Variants in WDR93 observed in about 807,000 individuals in gnomAD.
WDR93 encodes the protein WD repeat domain 93.
In WDR93, 73 loss-of-function variants were observed where a neutral mutation model predicts 82.9. That is an observed-to-expected ratio of 0.88 (90% CI 0.73 to 1.07). WDR93 has a LOEUF of 1.07. Among genes scored for constraint, WDR93 ranks in the 50% least tolerant of loss-of-function variants. The pLI is 0.00. For synonymous variants in WDR93, 283 were observed against 300.1 expected (o/e 0.94, Z 0.59); for missense variants, 738 against 826.0 (o/e 0.89, Z 1.31).
intron 12 of WDR93, among the ~76,000 whole-genome samples, chr15:89,732,286 A>C (rs963606754): frequency 1.4e-4 from 21 of 152,204 alleles, no homozygotes; most frequent in Non-Finnish European, 2.6e-4. Flanking sequence ...CATCAGAGAT[A>C]GTACCCTGTT....
intron 14 of WDR93, among the ~76,000 whole-genome samples, chr15:89,737,201 T>C (rs937279845): frequency 2.6e-5 from 4 of 152,074 alleles, no homozygotes; most frequent in East Asian, 3.9e-4. Context: ...GGCTGTTAGA[T>C]TGAGCAAGGT....
At position 89,702,063 on chromosome 15, in the gene WDR93, A is replaced by C. The variant is rs1255209351; in HGVS notation, c.303+14A>C. On this transcript the variant is annotated intron_variant, in intron 2 of 16. Coordinates refer to ENST00000268130, the MANE Select transcript of WDR93 (RefSeq NM_020212.2). ...GGAGAAATCCAGGTATGGAGTAAGC[A>C]GTTGACCAGGAGCCCCTGTTTCTCA... is the stretch of plus-strand genomic sequence containing the variant. The C allele has an allele frequency of 1.3e-6, 2 of 1,591,678 alleles. No individual in the cohort carries two copies. The highest frequency in any genetic ancestry group is 3.4e-5 in the Admixed American group (2 of 58,586).
Position 89,735,525 on chromosome 15 carries a change from T to C in WDR93, c.1580T>C (p.Val527Ala). The change falls in exon 14 of 17, where the codon GTG becomes GCG. Residue 527 changes from valine to alanine, a missense_variant. Coordinates refer to ENST00000268130, the MANE Select transcript of WDR93 (RefSeq NM_020212.2). Reference sequence around the variant, plus strand: ...CACCTGGATAAAACCATCTGTGCCGTGGCCCCAGTCCCAGCCTTACCTGGC... The same window carrying C: ...CACCTGGATAAAACCATCTGTGCCGCGGCCCCAGTCCCAGCCTTACCTGGC... ...VKHLDKTICAVAPVPALPGMV... is the reference protein window; with the variant it reads ...VKHLDKTICAAAPVPALPGMV... 6.2e-7 allele frequency: 1 copy of C among 1,614,192 alleles called. No individual in the cohort carries two copies.
At chr15:89,735,915 G>C (rs1441833844) in intron 14 of WDR93, among the ~76,000 whole-genome samples, 2 of 152,192 alleles carry the variant, frequency 1.3e-5, no homozygotes, top group Non-Finnish European at 2.9e-5. Context: ...GAGGAGTTGA[G>C]AAGGCAACAC....
At chr15:89,697,589 T>C (rs1965244859) in intron 1 of WDR93, among the ~76,000 whole-genome samples, 1 of 152,208 alleles carries the variant, frequency 6.6e-6, no homozygotes, top group Non-Finnish European at 1.5e-5. Context: ...TCATGTGCAC[T>C]TAAAAATAAT....
At chr15:89,726,992 C>T (rs976901073) in intron 8 of WDR93, among the ~76,000 whole-genome samples, 165 bp from the exon 9 acceptor site, 5 of 152,028 alleles carry the variant, frequency 3.3e-5, no homozygotes, top group Middle Eastern at 3.2e-3. Flanking sequence ...TGGTGGGGTA[C>T]AGGAGAGGCC....
chr15:89,699,921 C>G (rs780968894), intron 1 of WDR93, among the ~76,000 whole-genome samples: 3 of 152,086 alleles, frequency 2.0e-5, no homozygotes, highest in Non-Finnish European at 4.4e-5. Context: ...TTTAGTTGAT[C>G]GATTTTTCTC....
chr15:89,743,339 C>T lies in WDR93; in HGVS notation c.2009C>T (p.Ala670Val), dbSNP rs1276395189. 1 of 1,614,040 alleles carries T rather than the reference C, an allele frequency of 6.2e-7. No individual in the cohort carries two copies. Among genetic ancestry groups the T allele is most frequent in the Non-Finnish European group, 8.5e-7 (1 of 1,180,032 alleles). ...KNPEKEEEHWARLQRYSLSLQ... is the reference protein window; with the variant it reads ...KNPEKEEEHWVRLQRYSLSLQ... ...CCAGAGAAGGAGGAGGAGCACTGGG[C>T]CCGGCTTCAGAGGTACTCCTTGTCG... Residue 670 changes from alanine to valine, a missense_variant, in exon 17 of 17, where the codon GCC becomes GTC. Ala to Val is a moderately conservative substitution (Grantham distance 64). Coordinates refer to ENST00000268130, the MANE Select transcript of WDR93 (RefSeq NM_020212.2).
chr15:89,696,534 A>G (rs1965186142), intron 1 of WDR93, among the ~76,000 whole-genome samples: 1 of 152,076 alleles, frequency 6.6e-6, no homozygotes, highest in Non-Finnish European at 1.5e-5. Flanking sequence ...TCACTCTGTC[A>G]CGTAGGCTGG....
intron 16 of WDR93, among the ~76,000 whole-genome samples, chr15:89,741,144 A>AT (rs1379187427): frequency 2.0e-5 from 3 of 151,800 alleles, no homozygotes; most frequent in African/African-American, 4.9e-5. Flanking sequence ...TGTCTCAAAA[A>AT]AAATAAATAA....
chr15:89,711,952 A>G (rs1311889482), intron 4 of WDR93, 74 bp from the exon 5 acceptor site: 1 of 1,215,614 alleles, frequency 8.2e-7, no homozygotes, highest in Non-Finnish European at 1.2e-6. Context: ...CTGGGTGCAG[A>G]CCACAGAAGG....
At chr15:89,717,825 C>G (rs1046736352) in intron 7 of WDR93, among the ~76,000 whole-genome samples, 5 of 152,110 alleles carry the variant, frequency 3.3e-5, no homozygotes, top group Non-Finnish European at 7.3e-5. Context: ...AAAATAACAG[C>G]CCAATTCACC....
chr15:89,736,027 G>A (rs552159882), intron 14 of WDR93, among the ~76,000 whole-genome samples: 8 of 152,284 alleles, frequency 5.3e-5, no homozygotes, highest in Admixed American at 2.0e-4. Context: ...AGGCTGGGGC[G>A]GGAAGACAGG....
chr15:89,731,076 G>A (rs549469986), intron 11 of WDR93, among the ~76,000 whole-genome samples: 21 of 152,194 alleles, frequency 1.4e-4, no homozygotes, highest in Middle Eastern at 6.8e-3. Flanking sequence ...CTGACTGTAT[G>A]GCCTTGAGCA....
chr15:89,690,748 G>A, upstream of WDR93: 1 of 661,896 alleles, frequency 1.5e-6, no homozygotes, highest in Non-Finnish European at 2.5e-6. Context: ...GAGGGGCTGA[G>A]TCTCTCCGCC....
rs1360101754 is a variant in WDR93, at chr15:89,729,661, CT to C, written c.1124-19del. ...CCCCTGTGTAACACCCATTTTCTGT[CT>C]TTCCCCCGCCCCCCCACCAGGAATG... On this transcript the variant is annotated intron_variant, in intron 10 of 16. Transcript: ENST00000268130. 2.5e-5 allele frequency: 40 copies of C among 1,604,460 alleles called. No individual in the cohort carries two copies. The African/African-American group carries it at 4.1e-4, about 17-fold the overall frequency.
intron 7 of WDR93, among the ~76,000 whole-genome samples, chr15:89,720,573 CT>C (rs1329651633): frequency 1.3e-5 from 2 of 152,160 alleles, no homozygotes; most frequent in Non-Finnish European, 2.9e-5. Context: ...ACCCAGCCGA[CT>C]AGTAGATTTT....
intron 15 of WDR93, 94 bp from the exon 16 acceptor site, chr15:89,737,947 A>G: frequency 7.1e-7 from 1 of 1,409,662 alleles, no homozygotes; most frequent in Admixed American, 2.2e-5. Context: ...CAGCCTTTAT[A>G]AGCAGAGAGC....
rs1567132784 is a variant in WDR93 at position 89,738,146 on chromosome 15, A to G, written c.1871A>G (p.Asn624Ser). The part of the protein sequence containing the change: ...ACPLLENISK[N>S]CTIPQRDLDN... ...CCACTCCTGGAAAATATCTCAAAAA[A>G]TTGTACCATTCCTCAAAGGGACTTG... Residue 624 changes from asparagine (N) to serine (S), a missense_variant, in exon 16 of 17, where the codon AAT (asparagine) becomes AGT (serine). By Grantham distance (46) the Asn-to-Ser change is conservative. Transcript: ENST00000268130. The G allele has an allele frequency of 1.9e-6, 3 of 1,614,234 alleles. No homozygotes were observed. Among genetic ancestry groups the G allele is most frequent in the Non-Finnish European group, 1.7e-6 (2 of 1,180,034 alleles).
Sources: gnomAD v4.1 joint callset for allele counts (sites outside exome capture counted in the v4.1 genomes callset) on GRCh38, gnomAD v4.1.1 for gene constraint, MANE v1.5 for transcripts, NCBI Gene and HGNC (gene_info 2026-07-23, HGNC 2026-07-21) for gene names.